RGPD3: variants seen among roughly 807,000 people sequenced by gnomAD.
RGPD3 encodes the protein RANBP2 like and GRIP domain containing 3.
A neutral mutation model predicts 154.5 loss-of-function variants in RGPD3; 62 were observed. That is an observed-to-expected ratio of 0.40 (90% CI 0.33 to 0.50). The LOEUF (loss-of-function observed/expected upper bound fraction) is 0.50, where lower values mean the gene tolerates loss of function less well. Ranked by LOEUF, RGPD3 falls within the 20% of genes least tolerant of loss-of-function variation. The pLI is 0.59. For missense variants in RGPD3, 919 were observed against 1,716.8 expected (o/e 0.54, Z 8.21); for synonymous variants, 308 against 607.0 (o/e 0.51, Z 7.24).
chr2:106,432,363 G>C lies in RGPD3; in HGVS notation c.2469+572C>G, dbSNP rs541204157. ...AGCTACTCGGGAGGCTGAGGCAGGA[G>C]AGTCGCTTGAACCTGGGAGGTGGAG... On this transcript the variant is annotated intron_variant, in intron 17 of 22. Transcript: ENST00000409886. Among the ~76,000 whole-genome samples the C allele has an allele frequency of 4.9e-3, 726 of 148,270 alleles. 11 individuals are homozygous for C. Among genetic ancestry groups the C allele is most frequent in the African/African-American group, 0.017 (696 of 40,222 alleles).
upstream of RGPD3, among the ~76,000 whole-genome samples, chr2:106,469,916 G>C (rs1172454112): frequency 1.3e-5 from 2 of 151,382 alleles, no homozygotes; most frequent in African/African-American, 4.8e-5. Flanking sequence ...TCAAAATCCT[G>C]TAATGCCCTG....
intron 22 of RGPD3, among the ~76,000 whole-genome samples, chr2:106,411,663 C>A (rs999567371): frequency 6.6e-6 from 1 of 151,594 alleles, no homozygotes; most frequent in African/African-American, 2.4e-5. Flanking sequence ...CTCGTCTCTA[C>A]TAAAAATAGA....
upstream of RGPD3, among the ~76,000 whole-genome samples, chr2:106,468,805 CAAAAAAAAAAAAAAAAAA>C (rs57971663): frequency 2.6e-4 from 15 of 56,932 alleles, no homozygotes; most frequent in African/African-American, 1.1e-3. Context: ...GACTCCATCT[CAAAAAAAAAAAAAAAAAA>C]AAAAAAAAAA....
At chr2:106,421,730 C>G (rs1017112870) in intron 20 of RGPD3, among the ~76,000 whole-genome samples, 3 of 151,948 alleles carry the variant, frequency 2.0e-5, no homozygotes, top group African/African-American at 7.3e-5. Flanking sequence ...CAGGGACACT[C>G]TTCCATACTG....
chr2:106,463,894 CACA>C (rs2104522139), intron 1 of RGPD3, among the ~76,000 whole-genome samples: 1 of 151,780 alleles, frequency 6.6e-6, no homozygotes, highest in East Asian at 1.9e-4. Context: ...AACAAAACTG[CACA>C]ACAAGGGCAA....
intron 21 of RGPD3, among the ~76,000 whole-genome samples, chr2:106,413,680 C>G (rs1452584717): frequency 2.0e-5 from 3 of 152,120 alleles, no homozygotes; most frequent in African/African-American, 7.2e-5. Context: ...AGATGAGACA[C>G]ATCAAGAAAT....
At chr2:106,412,581 T>A (rs1676709821) in intron 22 of RGPD3, among the ~76,000 whole-genome samples, 1 of 151,786 alleles carries the variant, frequency 6.6e-6, no homozygotes, top group Admixed American at 6.6e-5. Flanking sequence ...GTGGTGGGAT[T>A]ATAGGTGTGA....
At position 106,457,047 on chromosome 2, in the gene RGPD3, G is replaced by A; in HGVS notation, c.329C>T (p.Thr110Ile). 6.2e-7 allele frequency: 1 copy of A among 1,611,578 alleles called. No individual in the cohort carries two copies. Among genetic ancestry groups the A allele is most frequent in the Non-Finnish European group, 8.5e-7 (1 of 1,179,620 alleles). Residue 110 changes from threonine (T) to isoleucine (I), a missense_variant, in exon 4 of 23, where the codon ACT becomes ATT. Coordinates refer to ENST00000409886, the MANE Select transcript of RGPD3 (RefSeq NM_001144013.2). ...IAELLCKNDV[T>I]DGRAEYWVER... The stretch of plus-strand genomic sequence containing the variant: ...CACCCAGTATTCTGCTCTTCCATCA[G>A]TAACATCATTTTTACAAAGCAATTC...
Position 106,466,032 on chromosome 2 carries a change from G to T in RGPD3, c.72+2185C>A, listed in dbSNP as rs1271437340. Among the ~76,000 whole-genome samples, 192 of 151,842 alleles carry T rather than the reference G, an allele frequency of 1.3e-3. 1 individual carries two copies. Among genetic ancestry groups the T allele is most frequent in the African/African-American group, 4.2e-3 (174 of 41,430 alleles). ...CTCCGCCGCAGCATATAAAGTAAATGTCCAGGAGATGGGAAGAAACCCGCC... is the reference window on the plus strand; with the variant it reads ...CTCCGCCGCAGCATATAAAGTAAATTTCCAGGAGATGGGAAGAAACCCGCC... On this transcript the variant is annotated intron_variant, in intron 1 of 22. Coordinates refer to ENST00000409886, the MANE Select transcript of RGPD3 (RefSeq NM_001144013.2).
chr2:106,449,698 C>T (rs1322822022), intron 6 of RGPD3, among the ~76,000 whole-genome samples: 2 of 151,660 alleles, frequency 1.3e-5, no homozygotes, highest in African/African-American at 4.9e-5. Flanking sequence ...CTTTGGGAGG[C>T]CAAGGTAGAC....
At position 106,411,551 on chromosome 2, in the gene RGPD3, G is replaced by A. The variant is rs547283596; in HGVS notation, c.5266+1533C>T. Among the ~76,000 whole-genome samples the A allele has an allele frequency of 1.1e-4, 16 of 150,874 alleles. No individual in the cohort carries two copies. In the East Asian group the frequency reaches 1.8e-3, roughly 17 times the overall value. On this transcript the variant is annotated intron_variant, in intron 22 of 22. Transcript: ENST00000409886. ...TAGATAAAAAAACAACAAAATGGCC[G>A]GGCGTGGTGGCTCACACCTGTAATC...
chr2:106,467,659 G>T (rs1678669523), intron 1 of RGPD3, among the ~76,000 whole-genome samples: 1 of 142,518 alleles, frequency 7.0e-6, no homozygotes, highest in South Asian at 2.2e-4. Flanking sequence ...CCAGGGAGCA[G>T]CGCCCGTCGG....
intron 22 of RGPD3, among the ~76,000 whole-genome samples, chr2:106,407,497 C>T (rs1437585165): frequency 3.3e-5 from 5 of 151,304 alleles, no homozygotes; most frequent in African/African-American, 1.2e-4. Flanking sequence ...GTTATGTGTT[C>T]CAAGTGAGGT....
intron 6 of RGPD3, among the ~76,000 whole-genome samples, chr2:106,449,734 C>T (rs1678052028): frequency 6.6e-6 from 1 of 150,984 alleles, no homozygotes; most frequent in Non-Finnish European, 1.5e-5. Context: ...GAGATCGAGA[C>T]CAGCCGGGCG....
chr2:106,418,535 C>T (rs1214228454), intron 20 of RGPD3, among the ~76,000 whole-genome samples: 2 of 152,086 alleles, frequency 1.3e-5, no homozygotes, highest in African/African-American at 4.8e-5. Flanking sequence ...ATTACATTGC[C>T]TAGCAAGACT....
At chr2:106,446,289 G>A (rs1393555989) in intron 7 of RGPD3, among the ~76,000 whole-genome samples, 3 of 148,526 alleles carry the variant, frequency 2.0e-5, no homozygotes, top group Non-Finnish European at 4.5e-5. Context: ...AAAAAAGGCT[G>A]GGCATGGTGG....
intron 1 of RGPD3, among the ~76,000 whole-genome samples, chr2:106,462,914 C>T (rs1393902105): frequency 6.7e-6 from 1 of 149,446 alleles, no homozygotes; most frequent in Admixed American, 6.7e-5. Context: ...TCCCCTGGAA[C>T]ATAAGGGTAA....
intron 22 of RGPD3, among the ~76,000 whole-genome samples, chr2:106,405,511 G>T (rs2104437285): frequency 6.6e-6 from 1 of 151,338 alleles, no homozygotes; most frequent in South Asian, 2.1e-4. Flanking sequence ...AAGCAACTGG[G>T]ACCACAAGGT....
intron 20 of RGPD3, among the ~76,000 whole-genome samples, chr2:106,422,782 G>A (rs1319720653): frequency 2.0e-5 from 3 of 150,462 alleles, no homozygotes; most frequent in Admixed American, 6.6e-5. Context: ...GCATGAGTCC[G>A]TACACTGTAC....
Sources: allele counts gnomAD v4.1 joint callset (sites outside exome capture counted in the v4.1 genomes callset), GRCh38; gene constraint gnomAD v4.1.1; transcripts MANE v1.5; gene names NCBI Gene and HGNC (gene_info 2026-07-23, HGNC 2026-07-21).